The following FAT1 variants were observed in gnomAD, a reference collection of about 807,000 sequenced individuals.
FAT1 encodes the protein FAT atypical cadherin 1.
FAT1 carries 171 observed loss-of-function variants against 329.8 expected under a neutral mutation model. That is an observed-to-expected ratio of 0.52 (90% CI 0.46 to 0.59). FAT1 has a LOEUF of 0.59. FAT1 is among the 20% of genes least tolerant of loss of function. The probability of loss-of-function intolerance (pLI) is 0.00; values close to 1 mark genes in which losing one functional copy is unlikely to be tolerated. For missense variants in FAT1, 5,672 were observed against 5,774.4 expected, an observed-to-expected ratio of 0.98 and a Z score of 0.57; for synonymous variants, 2,233 against 2,228.6, an observed-to-expected ratio of 1.00 and a Z score of -0.06.
chr4:186,664,720 C>T (rs1742347412), intron 2 of FAT1, among the ~76,000 whole-genome samples: 1 of 152,160 alleles, frequency 6.6e-6, no homozygotes, highest in African/African-American at 2.4e-5. Context: ...CCTTTGTCTA[C>T]CAAAAACATA....
chr4:186,636,830 G>A lies in FAT1; in HGVS notation c.3727C>T (p.Pro1243Ser). 6.2e-7 allele frequency: 1 copy of A among 1,613,916 alleles called. No individual in the cohort carries two copies. The highest frequency in any genetic ancestry group is 8.5e-7 in the Non-Finnish European group (1 of 1,179,870). ...TTGTAGAACTTTTGCAGAAACTGAGGTTTGTTGTCATTTTCATCAAGGATT... is the reference window on the plus strand; with the variant it reads ...TTGTAGAACTTTTGCAGAAACTGAGATTTGTTGTCATTTTCATCAAGGATT... ...VKILDENDNK[P>S]QFLQKFYKIR... is the part of the protein sequence containing the mutation. Residue 1243 changes from proline (P) to serine (S), a missense_variant, in exon 5 of 27, where the codon CCT becomes TCT. Physicochemically the swap from Pro to Ser is moderately conservative, Grantham distance 74. This residue lies in a region of FAT1 where 3,966 missense variants were observed against 3,915.2 expected (regional missense o/e 1.01). Transcript: ENST00000441802.
At chr4:186,714,109 C>T (rs1468427669) in intron 1 of FAT1, among the ~76,000 whole-genome samples, 4 of 152,088 alleles carry the variant, frequency 2.6e-5, no homozygotes, top group East Asian at 3.9e-4. Context: ...AGGAGTGCCA[C>T]GGTCTCAGTA....
At chr4:186,624,273 C>T (rs1203889996) in intron 9 of FAT1, among the ~76,000 whole-genome samples, 1 of 151,816 alleles carries the variant, frequency 6.6e-6, no homozygotes, top group Non-Finnish European at 1.5e-5. Context: ...GACAAACAGG[C>T]TAATTTTTAC....
rs752581169 is a variant in FAT1, at chr4:186,618,219, C to T, written c.8367G>A (p.Met2789Ile). 1 of 1,614,034 alleles carries T rather than the reference C, an allele frequency of 6.2e-7. No homozygotes were observed. Among genetic ancestry groups the T allele is most frequent in the Non-Finnish European group, 8.5e-7 (1 of 1,179,902 alleles). Reference sequence around the variant, plus strand: ...GGATACTAACATCTACAGAAGCCACCATCTCATGGTCATCTTGAGTGCACC... The same window carrying T: ...GGATACTAACATCTACAGAAGCCACTATCTCATGGTCATCTTGAGTGCACC... ...LARCTQDDHEMVASVDVSIQV... is the reference protein window; with the variant it reads ...LARCTQDDHEIVASVDVSIQV... The change falls in exon 10 of 27, where the codon ATG (methionine) becomes ATA (isoleucine). Residue 2789 changes from methionine to isoleucine, a missense_variant. Met to Ile is a conservative substitution (Grantham distance 10). Around this residue, in one of 2 missense-constraint regions of FAT1, gnomAD observed 3,966 missense variants for 3,915.2 expected, o/e 1.01. Transcript: ENST00000441802.
At chr4:186,595,173 G>A (rs1019632709) in intron 26 of FAT1, among the ~76,000 whole-genome samples, 4 of 152,084 alleles carry the variant, frequency 2.6e-5, no homozygotes, top group African/African-American at 7.2e-5. Context: ...CTGGCAGTAC[G>A]CTCTGATCCA....
intron 2 of FAT1, among the ~76,000 whole-genome samples, chr4:186,693,002 G>A (rs998003656): frequency 2.0e-5 from 3 of 152,182 alleles, no homozygotes; most frequent in Admixed American, 6.5e-5. Flanking sequence ...AAATGAAGTA[G>A]GAAGACGATG....
At chr4:186,598,440 A>G (rs1277575000) in intron 22 of FAT1, 1 of 215,248 alleles carries the variant, frequency 4.6e-6, no homozygotes, top group African/African-American at 2.3e-5. Context: ...ACCACTTAAC[A>G]TCTCAATTTA....
rs1475439170 is a variant in FAT1, at chr4:186,708,664, C to T, written c.1164G>A (p.Met388Ile). ...GGGAATAAGCAGGAATGGCCTTTAC[C>T]ATGACCACAGGTGTGTTGGGAGGAG... ...EFAPPNTPVVMVKAIPAYSHL... is the reference protein window; with the variant it reads ...EFAPPNTPVVIVKAIPAYSHL... Residue 388 changes from methionine to isoleucine, a missense_variant, in exon 2 of 27, where the codon ATG becomes ATA. Transcript: ENST00000441802. The T allele has an allele frequency of 6.2e-7, 1 of 1,613,740 alleles. No individual in the cohort carries two copies. The highest frequency in any genetic ancestry group is 8.5e-7 in the Non-Finnish European group (1 of 1,179,880).
intron 6 of FAT1, 109 bp from the exon 7 acceptor site, chr4:186,633,932 A>G: frequency 8.4e-7 from 1 of 1,187,036 alleles, no homozygotes; most frequent in Non-Finnish European, 1.2e-6. Flanking sequence ...ATATACTAGC[A>G]AAGAGCTTCC....
chr4:186,714,580 A>G (rs189443386), intron 1 of FAT1, among the ~76,000 whole-genome samples: 15 of 152,250 alleles, frequency 9.9e-5, no homozygotes, highest in African/African-American at 3.6e-4. Flanking sequence ...ACCAAGGAAG[A>G]GAGCAGGCAG....
chr4:186,671,394 T>C (rs1277835452), intron 2 of FAT1, among the ~76,000 whole-genome samples: 1 of 152,168 alleles, frequency 6.6e-6, no homozygotes, highest in Non-Finnish European at 1.5e-5. Flanking sequence ...TTCTGCAATT[T>C]AGCCTTTCTT....
rs1319902140 is a variant in FAT1 at position 186,592,940 on chromosome 4, G to A, written c.13138+2749C>T. ...GTGTGTCTCAGAGACTTTTTTAATC[G>A]AGCTATATATTTGTTATTATTAATC... is the stretch of plus-strand genomic sequence containing the variant. On this transcript the variant is annotated intron_variant, in intron 26 of 26. Transcript: ENST00000441802. 3.9e-5 allele frequency among the ~76,000 whole-genome samples: 6 copies of A among 152,052 alleles called. No individual in the cohort carries two copies. In the East Asian group the frequency reaches 5.8e-4, roughly 15 times the overall value.
intron 2 of FAT1, among the ~76,000 whole-genome samples, chr4:186,702,327 A>T (rs1744369834): frequency 6.6e-6 from 1 of 152,252 alleles, no homozygotes; most frequent in Non-Finnish European, 1.5e-5. Flanking sequence ...GGATGCTAAA[A>T]GTAACACAGC....
In FAT1 at chr4:186,621,294, A is replaced by T. The variant is rs2126523942; in HGVS notation, c.5292T>A (p.Val1764=). The change falls in exon 10 of 27, where the codon GTT becomes GTA. Residue 1764 remains valine, a synonymous_variant. Coordinates refer to ENST00000441802, the MANE Select transcript of FAT1 (RefSeq NM_005245.4). The part of the protein sequence containing the change: ...HLQDENDNAP[V]FMQAEYTGLI... ...GTCCTGTATATTCTGCCTGCATAAA[A>T]ACTGGCGCGTTGTCATTCTCATCCT... 1 of 1,614,052 alleles carries T rather than the reference A, an allele frequency of 6.2e-7. No homozygotes were observed.
chr4:186,703,646 G>A (rs771816142), intron 2 of FAT1, among the ~76,000 whole-genome samples: 3 of 152,202 alleles, frequency 2.0e-5, no homozygotes, highest in African/African-American at 4.8e-5. Context: ...AAATGCCCCC[G>A]AGTTAGGCAA....
intron 2 of FAT1, among the ~76,000 whole-genome samples, chr4:186,673,820 T>C (rs1742835240): frequency 6.6e-6 from 1 of 152,156 alleles, no homozygotes; most frequent in Non-Finnish European, 1.5e-5. Flanking sequence ...AACCATGTTG[T>C]CCCGCTTTGT....
At chr4:186,676,404 T>C (rs1742962212) in intron 2 of FAT1, among the ~76,000 whole-genome samples, 1 of 152,136 alleles carries the variant, frequency 6.6e-6, no homozygotes, top group Non-Finnish European at 1.5e-5. Context: ...AATATACATG[T>C]ATTATATAAA....
At position 186,636,124 on chromosome 4, in the gene FAT1, A is replaced by G. The variant is rs1259959030; in HGVS notation, c.4084T>C (p.Phe1362Leu). Residue 1362 changes from phenylalanine to leucine, a missense_variant, in exon 6 of 27, where the codon TTT becomes CTT. This residue lies in a region of FAT1 where 3,966 missense variants were observed against 3,915.2 expected (regional missense o/e 1.01). Transcript: ENST00000441802. ...SLEPISFEES[F>L]FTFTVMESDP... ...CTTTCCATCACAGTAAAGGTAAAAA[A>G]TGATTCTTCAAATGAAATGGGCTCC... 3.7e-6 allele frequency: 6 copies of G among 1,613,906 alleles called. No homozygotes were observed. The African/African-American group carries it at 6.7e-5, about 18-fold the overall frequency.
intron 3 of FAT1, among the ~76,000 whole-genome samples, chr4:186,660,548 A>G (rs950263028): frequency 5.3e-5 from 8 of 152,192 alleles, no homozygotes; most frequent in Non-Finnish European, 1.2e-4. Flanking sequence ...ACTCATAAGG[A>G]AAGAAAGCCT....
Sources: allele counts gnomAD v4.1 joint callset (sites outside exome capture counted in the v4.1 genomes callset), GRCh38; gene constraint gnomAD v4.1.1; regional missense constraint gnomAD v4.1.1; transcripts MANE v1.5; gene names NCBI Gene and HGNC (gene_info 2026-07-23, HGNC 2026-07-21).